The following KDM4C variants were observed in gnomAD, a reference collection of about 807,000 sequenced individuals.
KDM4C encodes lysine demethylase 4C.
KDM4C carries 81 observed loss-of-function variants against 129.3 expected under a neutral mutation model. The observed-to-expected ratio is 0.63, with a 90% CI of 0.52 to 0.75. KDM4C has a LOEUF of 0.75. Among genes scored for constraint, KDM4C ranks in the 30% least tolerant of loss-of-function variants. The pLI, the probability that KDM4C is intolerant of heterozygous loss-of-function variation, is 0.00. For missense variants in KDM4C, 1,457 were observed against 1,304.0 expected (o/e 1.12, Z -1.81); for synonymous variants, 573 against 456.1 (o/e 1.26, Z -3.26).
At chr9:6,990,033 C>T (rs986972969) in intron 11 of KDM4C, among the ~76,000 whole-genome samples, 1 of 152,036 alleles carries the variant, frequency 6.6e-6, no homozygotes, top group Non-Finnish European at 1.5e-5. Context: ...TCACCTTGGC[C>T]TCCCAAAATG....
At chr9:6,911,876 A>T (rs192402982) in intron 8 of KDM4C, among the ~76,000 whole-genome samples, 150 of 152,176 alleles carry the variant, frequency 9.9e-4, no homozygotes, top group African/African-American at 3.4e-3. Context: ...GAGGGGGTAA[A>T]CACCCCATGT....
At chr9:7,154,327 C>T (rs1390993895) in intron 19 of KDM4C, among the ~76,000 whole-genome samples, 3 of 152,236 alleles carry the variant, frequency 2.0e-5, no homozygotes, top group Non-Finnish European at 4.4e-5. Context: ...GCATTCTCCC[C>T]AAGGGGGACT....
intron 17 of KDM4C, among the ~76,000 whole-genome samples, chr9:7,089,419 G>A (rs1296052752): frequency 6.6e-6 from 1 of 152,166 alleles, no homozygotes; most frequent in Non-Finnish European, 1.5e-5. Context: ...GGGAGGCAGA[G>A]CAAAGGAAAT....
intron 8 of KDM4C, among the ~76,000 whole-genome samples, chr9:6,919,639 G>C (rs573330444): frequency 3.7e-4 from 56 of 151,448 alleles, no homozygotes; most frequent in African/African-American, 1.3e-3. Flanking sequence ...GCAATGGCGC[G>C]ATCTTGGCTC....
In KDM4C at chr9:7,064,500, C is replaced by T. The variant is rs539676656; in HGVS notation, c.2424+15300C>T. ...TAGGTTGGAGAGAAATGAATTGATACGAGGCAGGGTTGGTCAGGCTTGGTG... is the reference window on the plus strand; with the variant it reads ...TAGGTTGGAGAGAAATGAATTGATATGAGGCAGGGTTGGTCAGGCTTGGTG... On this transcript the variant is annotated intron_variant, in intron 17 of 21. Coordinates refer to ENST00000381309, the MANE Select transcript of KDM4C (RefSeq NM_015061.6). 8.4e-4 allele frequency among the ~76,000 whole-genome samples: 128 copies of T among 152,124 alleles called. 1 individual carries two copies. The South Asian group carries it at 0.012, about 14-fold the overall frequency.
chr9:6,933,274 G>C (rs925660463), intron 8 of KDM4C, among the ~76,000 whole-genome samples: 1 of 152,144 alleles, frequency 6.6e-6, no homozygotes, highest in Non-Finnish European at 1.5e-5. Context: ...CAGGTTCTAA[G>C]CCCCTTGGTT....
At chr9:7,109,671 A>T (rs1253328921) in intron 18 of KDM4C, among the ~76,000 whole-genome samples, 1 of 152,162 alleles carries the variant, frequency 6.6e-6, no homozygotes, top group Non-Finnish European at 1.5e-5. Context: ...TCTTTTAAAC[A>T]TCATCATGGT....
At chr9:7,089,850 T>G (rs1000886446) in intron 17 of KDM4C, among the ~76,000 whole-genome samples, 4 of 152,210 alleles carry the variant, frequency 2.6e-5, no homozygotes, top group African/African-American at 9.6e-5. Flanking sequence ...ATTTGGTGGG[T>G]GCTGCTTTGC....
chr9:7,137,801 A>T (rs553618142), intron 19 of KDM4C, among the ~76,000 whole-genome samples: 1 of 152,264 alleles, frequency 6.6e-6, no homozygotes, highest in Admixed American at 6.5e-5. Context: ...GATATAGCAC[A>T]TAAATTGGTG....
At chr9:7,118,692 GTTAC>G (rs1251390827) in intron 18 of KDM4C, among the ~76,000 whole-genome samples, 1 of 152,202 alleles carries the variant, frequency 6.6e-6, no homozygotes, top group Non-Finnish European at 1.5e-5. Context: ...CGTCGGCTAA[GTTAC>G]TTACTTTGGT....
chr9:7,152,290 T>A (rs979425016), intron 19 of KDM4C, among the ~76,000 whole-genome samples: 2 of 152,194 alleles, frequency 1.3e-5, no homozygotes, highest in Non-Finnish European at 2.9e-5. Context: ...GACCTAAATA[T>A]TTAATAAAGG....
At chr9:6,788,740 TG>T (rs1825954113) in intron 1 of KDM4C, among the ~76,000 whole-genome samples, 1 of 152,056 alleles carries the variant, frequency 6.6e-6, no homozygotes, top group Non-Finnish European at 1.5e-5. Flanking sequence ...AGTGGGTGGT[TG>T]GAAGTGCCAG....
chr9:6,927,089 T>TTCTATCTATCTATCTATCTATCTA (rs34242647), intron 8 of KDM4C, among the ~76,000 whole-genome samples: 1 of 145,086 alleles, frequency 6.9e-6, no homozygotes, highest in Non-Finnish European at 1.5e-5. Context: ...AAAAAAAATT[T>TTCTATCTATCTATCTATCTATCTA]TCTATCTATC....
At chr9:6,778,837 T>C (rs1263223249) in intron 1 of KDM4C, among the ~76,000 whole-genome samples, 5 of 149,584 alleles carry the variant, frequency 3.3e-5, no homozygotes, top group Non-Finnish European at 7.4e-5. Flanking sequence ...TTTTTAATTA[T>C]GAGAAGGAGT....
At chr9:6,977,214 C>T (rs1372164679) in intron 8 of KDM4C, among the ~76,000 whole-genome samples, 1 of 152,080 alleles carries the variant, frequency 6.6e-6, no homozygotes, top group African/African-American at 2.4e-5. Flanking sequence ...TTATGATTGT[C>T]CTGTTCAAAA....
intron 18 of KDM4C, among the ~76,000 whole-genome samples, chr9:7,115,658 A>G (rs1838817257): frequency 1.3e-5 from 2 of 152,256 alleles, no homozygotes. Context: ...AGAAAAGGCA[A>G]TTAAATGAAA....
chr9:6,750,532 A>G (rs1425280819), intron 1 of KDM4C, among the ~76,000 whole-genome samples: 1 of 152,170 alleles, frequency 6.6e-6, no homozygotes, highest in Non-Finnish European at 1.5e-5. Context: ...TAGCCAAAAC[A>G]CCAAGTTCAG....
chr9:7,143,392 A>G (rs1282691431), intron 19 of KDM4C, among the ~76,000 whole-genome samples: 1 of 152,236 alleles, frequency 6.6e-6, no homozygotes, highest in Non-Finnish European at 1.5e-5. Context: ...AATGAAGACT[A>G]ATATCTGGTG....
At chr9:6,860,619 T>A (rs531515196) in intron 5 of KDM4C, among the ~76,000 whole-genome samples, 1 of 152,182 alleles carries the variant, frequency 6.6e-6, no homozygotes, top group African/African-American at 2.4e-5. Context: ...AAAATAAAAG[T>A]AAACAAACAA....
Sources: allele counts gnomAD v4.1 joint callset (sites outside exome capture counted in the v4.1 genomes callset), GRCh38; gene constraint gnomAD v4.1.1; transcripts MANE v1.5; gene names NCBI Gene and HGNC (gene_info 2026-07-23, HGNC 2026-07-21).